Variants in CFAP20DC observed in about 807,000 individuals in gnomAD.
CFAP20DC encodes the protein CFAP20 domain containing.
A neutral mutation model predicts 101.7 loss-of-function variants in CFAP20DC; 84 were observed. The ratio of observed to expected loss-of-function variants is 0.83; its 90% confidence interval spans 0.69 to 0.99. The LOEUF (loss-of-function observed/expected upper bound fraction) is 0.99. CFAP20DC is among the 50% of genes least tolerant of loss of function. The probability of loss-of-function intolerance (pLI) is 0.00; values close to 1 mark genes in which losing one functional copy is unlikely to be tolerated. For synonymous variants in CFAP20DC, 359 were observed against 351.2 expected, an observed-to-expected ratio of 1.02 and a Z score of -0.25; for missense variants, 1,007 against 970.3, an observed-to-expected ratio of 1.04 and a Z score of -0.50.
chr3:58,812,542 C>A (rs1424528258), intron 14 of CFAP20DC, among the ~76,000 whole-genome samples: 2 of 150,188 alleles, frequency 1.3e-5, no homozygotes, highest in African/African-American at 4.9e-5. Flanking sequence ...ACATCACAGT[C>A]TGGGGACTGT....
At chr3:58,852,668 G>A (rs1250665643) in intron 12 of CFAP20DC, among the ~76,000 whole-genome samples, 5 of 149,684 alleles carry the variant, frequency 3.3e-5, no homozygotes, top group Admixed American at 2.0e-4. Context: ...CTAGAACTCA[G>A]GATTAAGAAT....
chr3:58,875,297 G>A (rs1303404014), intron 7 of CFAP20DC, among the ~76,000 whole-genome samples: 4 of 152,070 alleles, frequency 2.6e-5, no homozygotes, highest in Non-Finnish European at 5.9e-5. Context: ...AGTCTCTCAC[G>A]ATTGACAATA....
At chr3:58,735,685 A>G (rs997155949) in intron 3 of CFAP20DC, among the ~76,000 whole-genome samples, 1 of 152,210 alleles carries the variant, frequency 6.6e-6, no homozygotes, top group Non-Finnish European at 1.5e-5. Context: ...AATGGGACCC[A>G]GGCAGCAGCA....
Position 58,937,699 on chromosome 3 carries a change from G to A in CFAP20DC, c.342C>T (p.Ser114=), listed in dbSNP as rs1301524989. 4 of 1,612,828 alleles carry A rather than the reference G, an allele frequency of 2.5e-6. No homozygotes were observed. The highest frequency in any genetic ancestry group is 2.2e-5 in the South Asian group (2 of 91,026). ...LYLSTVHKEL[S]STPLHAKIPL... is the part of the protein sequence containing the mutation. ...GAATTTTTGCATGAAGAGGGGTGGA[G>A]GATAGTTCCTTATGGACCGTTGATA... The change falls in exon 5 of 17, where the codon TCC becomes TCT. Residue 114 remains serine, a synonymous_variant. Transcript: ENST00000482387.
chr3:58,830,173 G>T (rs1004622165), intron 14 of CFAP20DC, among the ~76,000 whole-genome samples: 16 of 152,280 alleles, frequency 1.1e-4, no homozygotes, highest in African/African-American at 3.8e-4. Context: ...AGAGAAACCT[G>T]AAGGTATGCA....
At chr3:58,910,450 T>A (rs1444257371) in intron 6 of CFAP20DC, among the ~76,000 whole-genome samples, 3 of 152,024 alleles carry the variant, frequency 2.0e-5, no homozygotes, top group Non-Finnish European at 4.4e-5. Flanking sequence ...TCTTCTATCA[T>A]CTAACATTGC....
At chr3:58,779,571 A>G (rs1439335066) in intron 15 of CFAP20DC, among the ~76,000 whole-genome samples, 1 of 152,208 alleles carries the variant, frequency 6.6e-6, no homozygotes, top group Non-Finnish European at 1.5e-5. Flanking sequence ...AATAGAAAAT[A>G]CATTTCAAAG....
chr3:58,968,602 A>G (rs115177545), intron 4 of CFAP20DC, among the ~76,000 whole-genome samples: 2 of 152,054 alleles, frequency 1.3e-5, no homozygotes, highest in Non-Finnish European at 1.5e-5. Context: ...TATATTCTGG[A>G]TATAAGACCT....
chr3:58,787,431 T>C lies in CFAP20DC; in HGVS notation c.2237+18964A>G, dbSNP rs183740200. Among the ~76,000 whole-genome samples the C allele has an allele frequency of 9.0e-4, 136 of 151,864 alleles. 2 individuals carry two copies. The East Asian group carries it at 0.023, about 26-fold the overall frequency. On this transcript the variant is annotated intron_variant, in intron 15 of 16. Coordinates refer to ENST00000482387, the MANE Select transcript of CFAP20DC (RefSeq NM_001394063.1). ...GTGCAGCACACCAGCATGGCACATG[T>C]ATACGTATGTAACTAACCTGCACAA...
chr3:58,991,601 C>G (rs2092939986), intron 4 of CFAP20DC, among the ~76,000 whole-genome samples: 1 of 151,984 alleles, frequency 6.6e-6, no homozygotes, highest in Non-Finnish European at 1.5e-5. Context: ...TATGGTAGTA[C>G]AGGGAGGGGA....
chr3:58,773,208 C>T (rs943988086), intron 15 of CFAP20DC, among the ~76,000 whole-genome samples: 16 of 151,838 alleles, frequency 1.1e-4, no homozygotes, highest in Admixed American at 3.9e-4. Flanking sequence ...TTTTCTTCCT[C>T]ATACTAACTT....
chr3:58,933,444 T>G (rs2087021627), intron 5 of CFAP20DC, among the ~76,000 whole-genome samples: 1 of 152,078 alleles, frequency 6.6e-6, no homozygotes, highest in South Asian at 2.1e-4. Flanking sequence ...TACAGAACTC[T>G]CCACCCCAAA....
At chr3:58,787,988 G>C (rs763125727) in intron 15 of CFAP20DC, among the ~76,000 whole-genome samples, 1 of 151,868 alleles carries the variant, frequency 6.6e-6, no homozygotes, top group African/African-American at 2.4e-5. Flanking sequence ...GGCCTGTTGG[G>C]GGGTGGGGTG....
intron 6 of CFAP20DC, among the ~76,000 whole-genome samples, chr3:58,891,599 C>T (rs1287673592): frequency 4.6e-5 from 7 of 152,056 alleles, no homozygotes; most frequent in East Asian, 1.9e-4. Context: ...GCTGCATGTA[C>T]GGCTTCTTTT....
chr3:58,912,633 C>A lies in CFAP20DC; in HGVS notation c.550+1075G>T, dbSNP rs1046069671. 2 of 425,130 alleles carry A rather than the reference C, an allele frequency of 4.7e-6. No homozygotes were observed. The highest frequency in any genetic ancestry group is 9.3e-6 in the Non-Finnish European group (2 of 215,364). The allele number at this position is 425,130 out of a possible 1,614,324, so 26.3% of individuals were successfully genotyped here. The stretch of plus-strand genomic sequence containing the variant: ...AGAATTGATTTAACAAATAATAATC[C>A]CAGATGAAAATCAAAAGGAGGCATC... On this transcript the variant is annotated intron_variant, in intron 6 of 16. Coordinates refer to ENST00000482387, the MANE Select transcript of CFAP20DC (RefSeq NM_001394063.1). This position sits in a 1 kb window ranked among gnomAD's most constrained non-coding sequence, Gnocchi z 4.4.
At chr3:58,835,850 A>G (rs2076701086) in intron 13 of CFAP20DC, among the ~76,000 whole-genome samples, 1 of 152,240 alleles carries the variant, frequency 6.6e-6, no homozygotes, top group South Asian at 2.1e-4. Context: ...AGTGGACTCC[A>G]GCACAAGATG....
chr3:58,999,358 A>C (rs2093238045), intron 4 of CFAP20DC, among the ~76,000 whole-genome samples: 1 of 152,208 alleles, frequency 6.6e-6, no homozygotes, highest in African/African-American at 2.4e-5. Flanking sequence ...CAGGCTTCAG[A>C]CAAGGAGCTA....
At position 58,818,255 on chromosome 3, in the gene CFAP20DC, A is replaced by C. The variant is rs1422792298; in HGVS notation, c.2176-11799T>G. On this transcript the variant is annotated intron_variant, in intron 14 of 16. Coordinates refer to ENST00000482387, the MANE Select transcript of CFAP20DC (RefSeq NM_001394063.1). ...GACTAATGAGCAAAATCACCAGCTAACATCATAATGACAGGATCAAATTCA... is the reference window on the plus strand; with the variant it reads ...GACTAATGAGCAAAATCACCAGCTACCATCATAATGACAGGATCAAATTCA... 2.6e-5 allele frequency among the ~76,000 whole-genome samples: 4 copies of C among 152,018 alleles called. No individual in the cohort carries two copies. The East Asian group carries it at 7.8e-4, about 29-fold the overall frequency.
chr3:58,832,883 G>A (rs1400326441), intron 13 of CFAP20DC, among the ~76,000 whole-genome samples: 4 of 152,064 alleles, frequency 2.6e-5, no homozygotes, highest in South Asian at 2.1e-4. Context: ...AATCACATAT[G>A]AGCAGTGTGA....
Sources: gnomAD v4.1 joint callset for allele counts (sites outside exome capture counted in the v4.1 genomes callset) on GRCh38, gnomAD v4.1.1 for gene constraint, Gnocchi (gnomAD v3.1) non-coding constraint, MANE v1.5 for transcripts, NCBI Gene and HGNC (gene_info 2026-07-23, HGNC 2026-07-21) for gene names.